The following OPN5 variants were observed in gnomAD, a reference collection of about 807,000 sequenced individuals.
OPN5 encodes opsin-5.
A neutral mutation model predicts 41.7 loss-of-function variants in OPN5; 18 were observed. The ratio of observed to expected loss-of-function variants is 0.43; its 90% confidence interval spans 0.30 to 0.64. The LOEUF (loss-of-function observed/expected upper bound fraction) is 0.64. Among genes scored for constraint, OPN5 ranks in the 30% least tolerant of loss-of-function variants. The pLI is 0.13. For missense variants in OPN5, 318 were observed against 434.5 expected (o/e 0.73, Z 2.38); for synonymous variants, 178 against 164.3 (o/e 1.08, Z -0.64).
At chr6:47,797,643 C>T (rs1237939713) in intron 4 of OPN5, among the ~76,000 whole-genome samples, 3 of 152,174 alleles carry the variant, frequency 2.0e-5, no homozygotes, top group African/African-American at 4.8e-5. Context: ...TATGTGACGT[C>T]GAAGTTTACT....
intron 5 of OPN5, 38 bp downstream of exon 5, chr6:47,808,433 T>C (rs375011710): frequency 6.2e-7 from 1 of 1,610,594 alleles, no homozygotes; most frequent in Non-Finnish European, 8.5e-7. Context: ...TACACTCTCT[T>C]TGTTTCAAAA....
At chr6:47,811,015 C>T (rs775646967) in intron 5 of OPN5, among the ~76,000 whole-genome samples, 14 of 152,130 alleles carry the variant, frequency 9.2e-5, no homozygotes, top group East Asian at 1.9e-4. Flanking sequence ...TGAAAGCTAA[C>T]GAACCAGAGG....
chr6:47,802,893 C>T (rs747589052), intron 4 of OPN5, among the ~76,000 whole-genome samples: 41 of 152,138 alleles, frequency 2.7e-4, no homozygotes, highest in Non-Finnish European at 5.4e-4. Context: ...TATAGAGTAG[C>T]GGTATTTTAA....
At chr6:47,815,783 T>C (rs1304856845) in intron 6 of OPN5, among the ~76,000 whole-genome samples, 1 of 152,110 alleles carries the variant, frequency 6.6e-6, no homozygotes, top group East Asian at 1.9e-4. Context: ...ATTGCAAAAA[T>C]TCCTGGTCAC....
chr6:47,804,204 T>C (rs1773877245), intron 4 of OPN5, among the ~76,000 whole-genome samples: 1 of 152,178 alleles, frequency 6.6e-6, no homozygotes, highest in Non-Finnish European at 1.5e-5. Flanking sequence ...TTGTAGAAGC[T>C]AAACATGTAC....
At chr6:47,805,278 G>A (rs1307938128) in intron 4 of OPN5, among the ~76,000 whole-genome samples, 1 of 152,218 alleles carries the variant, frequency 6.6e-6, no homozygotes, top group Non-Finnish European at 1.5e-5. Flanking sequence ...GGACTTGACA[G>A]TTTAACTGCT....
chr6:47,792,983 T>TG (rs545283899), intron 3 of OPN5, among the ~76,000 whole-genome samples: 1 of 4,604 alleles, frequency 2.2e-4, no homozygotes, highest in African/African-American at 2.6e-4. Context: ...CAGCACTACG[T>TG]TTTTTTTTTT....
chr6:47,798,145 T>C (rs1456929788), intron 4 of OPN5, among the ~76,000 whole-genome samples: 2 of 152,126 alleles, frequency 1.3e-5, no homozygotes, highest in Admixed American at 1.3e-4. Flanking sequence ...TTATAGCACA[T>C]AATATGTAAT....
Position 47,808,136 on chromosome 6 carries a change from G to A in OPN5, c.757-18G>A, listed in dbSNP as rs1387036667. The stretch of plus-strand genomic sequence containing the variant: ...ATCAGTCATCTTGATTCTTTTCTCT[G>A]TTGCTTTCCCTCATCAGGTAGCGAT... On this transcript the variant is annotated intron_variant, in intron 4 of 6. Transcript: ENST00000371211. 2 of 1,613,440 alleles carry A rather than the reference G, an allele frequency of 1.2e-6. No individual in the cohort carries two copies. The highest frequency in any genetic ancestry group is 2.2e-5 in the South Asian group (2 of 91,040).
At chr6:47,791,092 C>G (rs1773356131) in intron 2 of OPN5, among the ~76,000 whole-genome samples, 1 of 152,016 alleles carries the variant, frequency 6.6e-6, no homozygotes, top group Non-Finnish European at 1.5e-5. Context: ...TTTTCTCTTT[C>G]TCCATCTCTT....
chr6:47,792,343 A>G (rs954355287), intron 3 of OPN5, among the ~76,000 whole-genome samples: 8 of 152,256 alleles, frequency 5.3e-5, no homozygotes, highest in African/African-American at 1.7e-4. Flanking sequence ...AAGTGTAATT[A>G]TAAGAAAAGC....
chr6:47,816,389 C>T (rs1224427334), intron 6 of OPN5, among the ~76,000 whole-genome samples: 4 of 152,052 alleles, frequency 2.6e-5, no homozygotes, highest in African/African-American at 9.7e-5. Context: ...GTCTCTGTTC[C>T]CCTGATGAGG....
chr6:47,811,647 A>G, intron 5 of OPN5, 27 bp from the exon 6 acceptor site: 3 of 1,551,586 alleles, frequency 1.9e-6, no homozygotes, highest in Non-Finnish European at 2.7e-6. Flanking sequence ...TAGATATTAA[A>G]TTGCATTTTT....
rs760100354 is a variant in OPN5, at chr6:47,808,198, T to G, written c.801T>G (p.Pro267=). Reference sequence around the variant, plus strand: ...CTGGATTCCTGATTGCCTGGATTCCTTATGCAGTGGTGTCTGTGTGGTCAG... The same window carrying G: ...CTGGATTCCTGATTGCCTGGATTCCGTATGCAGTGGTGTCTGTGTGGTCAG... The change falls in exon 5 of 7, where the codon CCT becomes CCG. Residue 267 remains proline, a synonymous_variant. Transcript: ENST00000371211. The G allele has an allele frequency of 1.9e-6, 3 of 1,613,516 alleles. No individual in the cohort carries two copies. The African/African-American group carries it at 4.0e-5, about 22-fold the overall frequency.
At chr6:47,788,493 AC>A (rs1390517736) in intron 2 of OPN5, among the ~76,000 whole-genome samples, 2 of 152,232 alleles carry the variant, frequency 1.3e-5, no homozygotes, top group Non-Finnish European at 2.9e-5. Flanking sequence ...TACTCTGCTT[AC>A]GTCTTCAGAG....
intron 4 of OPN5, among the ~76,000 whole-genome samples, chr6:47,805,527 T>A (rs2113981243): frequency 6.6e-6 from 1 of 152,160 alleles, no homozygotes; most frequent in African/African-American, 2.4e-5. Flanking sequence ...GACTTTAGAT[T>A]TTCCATGTTT....
chr6:47,790,242 T>C (rs1176526914), intron 2 of OPN5, among the ~76,000 whole-genome samples: 1 of 152,236 alleles, frequency 6.6e-6, no homozygotes, highest in Non-Finnish European at 1.5e-5. Context: ...AGTGAATTTT[T>C]TTCTTTGAAA....
intron 3 of OPN5, chr6:47,793,630 CA>C (rs1388275467): frequency 6.5e-6 from 1 of 153,442 alleles, no homozygotes; most frequent in Non-Finnish European, 1.5e-5. Context: ...CTCATTGTTA[CA>C]ATGTTATTCC....
chr6:47,791,721 G>C (rs1773379796), intron 2 of OPN5, 81 bp from the exon 3 acceptor site: 16 of 1,186,732 alleles, frequency 1.3e-5, no homozygotes, highest in Non-Finnish European at 1.9e-5. Context: ...GTGCTTTAGG[G>C]GAGGAGGTTC....
Sources: allele counts gnomAD v4.1 joint callset (sites outside exome capture counted in the v4.1 genomes callset), GRCh38; gene constraint gnomAD v4.1.1; transcripts MANE v1.5; gene names NCBI Gene and HGNC (gene_info 2026-07-23, HGNC 2026-07-21).